MCM8: variants seen among roughly 807,000 people sequenced by gnomAD.
The protein encoded by MCM8 is DNA helicase MCM8.
Under a neutral mutation model 98.9 loss-of-function variants are expected in MCM8, and 85 were observed. The ratio of observed to expected loss-of-function variants is 0.86; its 90% CI spans 0.72 to 1.03. The LOEUF is 1.03. Ranked by LOEUF, MCM8 falls within the 50% of genes least tolerant of loss-of-function variation. The probability of loss-of-function intolerance (pLI) is 0.00; values close to 1 mark genes in which losing one functional copy is unlikely to be tolerated. For missense variants in MCM8, 951 were observed against 997.8 expected (o/e 0.95, Z 0.63); for synonymous variants, 352 against 338.6 (o/e 1.04, Z -0.44).
In MCM8 at chr20:5,952,508, G is replaced by A; in HGVS notation, c.233G>A (p.Trp78Ter). 6.2e-7 allele frequency: 1 copy of A among 1,613,166 alleles called. No individual in the cohort carries two copies. Among genetic ancestry groups the A allele is most frequent in the Non-Finnish European group, 8.5e-7 (1 of 1,179,528 alleles). ...GATCGATTCATACCATATAAAGGCT[G>A]GAAGCTTTATTTCTCTGAAGGTAGG... ...TLDRFIPYKG[W>*]KLYFSEVYSD... The change falls in exon 3 of 19, where the codon TGG (tryptophan) becomes TAG (stop). Residue 78 changes from tryptophan to a stop codon, truncating the protein, a stop_gained. Coordinates refer to ENST00000610722, the MANE Select transcript of MCM8 (RefSeq NM_032485.6). LOFTEE classifies it high-confidence loss of function.
At chr20:5,974,885 A>G (rs2122756028) in intron 12 of MCM8, among the ~76,000 whole-genome samples, 1 of 152,336 alleles carries the variant, frequency 6.6e-6, no homozygotes, top group African/African-American at 2.4e-5. Flanking sequence ...TTTAAAAAAT[A>G]AATTCTGTTC....
chr20:5,970,005 C>G (rs2089367775), intron 10 of MCM8, among the ~76,000 whole-genome samples: 1 of 152,132 alleles, frequency 6.6e-6, no homozygotes. Context: ...TTTGCTTTTT[C>G]CCCCTCCATG....
At chr20:5,980,597 G>A (rs1374987654) in intron 13 of MCM8, among the ~76,000 whole-genome samples, 1 of 152,066 alleles carries the variant, frequency 6.6e-6, no homozygotes, top group Non-Finnish European at 1.5e-5. Flanking sequence ...GTGATTTGGA[G>A]GTTTTTTAAA....
At chr20:5,976,638 C>T (rs2089517280) in intron 12 of MCM8, among the ~76,000 whole-genome samples, 3 of 152,198 alleles carry the variant, frequency 2.0e-5, no homozygotes, top group South Asian at 2.1e-4. Context: ...GTTTTGGGTG[C>T]CATGCACTGC....
chr20:5,993,464 G>A, intron 17 of MCM8, 42 bp from the exon 18 acceptor site: 1 of 1,416,484 alleles, frequency 7.1e-7, no homozygotes, highest in South Asian at 1.8e-5. Context: ...AATTTCTATG[G>A]CAGTGCTACA....
intron 7 of MCM8, among the ~76,000 whole-genome samples, chr20:5,962,265 G>A (rs556628166): frequency 2.0e-5 from 3 of 150,864 alleles, no homozygotes; most frequent in African/African-American, 4.8e-5. Context: ...CTCAGAAGTC[G>A]TGCAACATCA....
intron 8 of MCM8, among the ~76,000 whole-genome samples, chr20:5,964,119 C>CTT (rs11478703): frequency 8.1e-6 from 1 of 123,988 alleles, no homozygotes; most frequent in South Asian, 2.5e-4. Flanking sequence ...TTTTTAATAG[C>CTT]TTTTTTTTTT....
At position 5,967,454 on chromosome 20, in the gene MCM8, T is replaced by C; in HGVS notation, c.894T>C (p.Ser298=). 6.2e-7 allele frequency: 1 copy of C among 1,613,720 alleles called. No individual in the cohort carries two copies. Among genetic ancestry groups the C allele is most frequent in the Non-Finnish European group, 8.5e-7 (1 of 1,179,784 alleles). ...WQSIKIQELM[S]DDQREAGRIP... is the part of the protein sequence containing the mutation. ...TTTTTAGAATCCAGGAATTGATGTC[T>C]GATGATCAGAGAGAAGCAGGTCGGA... The change falls in exon 9 of 19, where the codon TCT becomes TCC. Residue 298 remains serine (S), a synonymous_variant. Transcript: ENST00000610722.
chr20:5,968,493 A>C (rs1568580794), intron 10 of MCM8, among the ~76,000 whole-genome samples: 1 of 152,214 alleles, frequency 6.6e-6, no homozygotes, highest in African/African-American at 2.4e-5. Flanking sequence ...GCAGTGAGCC[A>C]AGATCGTGCC....
In MCM8 at chr20:5,952,451, C is replaced by T. The variant is rs755507159; in HGVS notation, c.176C>T (p.Thr59Ile). The change falls in exon 3 of 19, where the codon ACA becomes ATA. Residue 59 changes from threonine (T) to isoleucine (I), a missense_variant. Thr to Ile is a moderately conservative substitution (Grantham distance 89). Coordinates refer to ENST00000610722, the MANE Select transcript of MCM8 (RefSeq NM_032485.6). The part of the protein sequence containing the change: ...SEQTPQFLLS[T>I]KTPQSMQSTL... Reference sequence around the variant, plus strand: ...CAAACCCCACAGTTTTTGCTTTCAACAAAGACCCCACAGTCAATGCAGTCA... The same window carrying T: ...CAAACCCCACAGTTTTTGCTTTCAATAAAGACCCCACAGTCAATGCAGTCA... The T allele has an allele frequency of 1.9e-6, 3 of 1,613,918 alleles. No homozygotes were observed. The highest frequency in any genetic ancestry group is 2.2e-5 in the East Asian group (1 of 44,842).
Position 5,987,282 on chromosome 20 carries a change from G to T in MCM8, c.2164G>T (p.Ala722Ser), listed in dbSNP as rs2089752916. The T allele has an allele frequency of 6.2e-7, 1 of 1,611,492 alleles. No homozygotes were observed. Among genetic ancestry groups the T allele is most frequent in the Non-Finnish European group, 8.5e-7 (1 of 1,179,062 alleles). ...CTGAAAATGGTGTTTTCTTTTAAAG[G>T]CACGAGCAAGGTTGGAATTGAGAGA... Reference protein sequence around the residue: ...QLESLIRLTEARARLELREEA... With the variant: ...QLESLIRLTESRARLELREEA... The change falls in exon 17 of 19, where the codon GCA (alanine) becomes TCA (serine). Residue 722 changes from alanine (A) to serine (S), a missense_variant and splice_region_variant. Physicochemically the swap from Ala to Ser is moderately conservative, Grantham distance 99. Coordinates refer to ENST00000610722, the MANE Select transcript of MCM8 (RefSeq NM_032485.6).
intron 13 of MCM8, among the ~76,000 whole-genome samples, chr20:5,978,227 T>C (rs563900023): frequency 1.3e-5 from 2 of 152,372 alleles, no homozygotes; most frequent in East Asian, 1.9e-4. Context: ...TCATTCATTT[T>C]CAGAATCTTA....
chr20:5,953,040 A>G (rs929026609), intron 3 of MCM8, among the ~76,000 whole-genome samples: 2 of 152,212 alleles, frequency 1.3e-5, no homozygotes, highest in Non-Finnish European at 2.9e-5. Context: ...GCCACTGGTA[A>G]CTGAGGGGGC....
intron 12 of MCM8, among the ~76,000 whole-genome samples, chr20:5,974,357 G>A (rs1370662939): frequency 6.6e-6 from 1 of 152,026 alleles, no homozygotes; most frequent in African/African-American, 2.4e-5. Context: ...GAACTCCTGG[G>A]CTCAAGCAGA....
intron 17 of MCM8, among the ~76,000 whole-genome samples, chr20:5,992,825 A>G (rs2089880491): frequency 6.6e-6 from 1 of 152,182 alleles, no homozygotes; most frequent in African/African-American, 2.4e-5. Context: ...CAGTTTTGCC[A>G]ATTAGTCTGG....
chr20:5,951,422 G>A (rs2088818866), intron 1 of MCM8, among the ~76,000 whole-genome samples: 1 of 151,702 alleles, frequency 6.6e-6, no homozygotes, highest in African/African-American at 2.4e-5. Context: ...ATTTGATAAT[G>A]AATTGCACTG....
At chr20:5,959,349 T>G (rs2089075879) in intron 7 of MCM8, among the ~76,000 whole-genome samples, 1 of 152,242 alleles carries the variant, frequency 6.6e-6, no homozygotes, top group South Asian at 2.1e-4. Context: ...ATGCAACCAC[T>G]ATGCTGAAAT....
intron 8 of MCM8, among the ~76,000 whole-genome samples, chr20:5,967,204 T>G (rs2089294024): frequency 6.6e-6 from 1 of 152,228 alleles, no homozygotes; most frequent in Admixed American, 6.5e-5. Context: ...TACCCCCAAA[T>G]TTTTAGTGAC....
intron 15 of MCM8, 107 bp downstream of exon 15, chr20:5,985,107 C>T (rs2089704345): frequency 1.2e-6 from 1 of 807,674 alleles, no homozygotes; most frequent in African/African-American, 1.7e-5. Context: ...TTTACCAGAA[C>T]TTTTTAATAT....
Sources: gnomAD v4.1 joint callset for allele counts (sites outside exome capture counted in the v4.1 genomes callset) on GRCh38, gnomAD v4.1.1 for gene constraint, MANE v1.5 for transcripts, NCBI Gene and HGNC (gene_info 2026-07-23, HGNC 2026-07-21) for gene names.